The following SHISA6 variants were observed in gnomAD, a reference collection of about 807,000 sequenced individuals.
SHISA6 encodes protein shisa-6.
In SHISA6, 22 loss-of-function variants were observed where a neutral mutation model predicts 47.9. The ratio of observed to expected loss-of-function variants is 0.46; its 90% CI spans 0.33 to 0.66. The LOEUF (loss-of-function observed/expected upper bound fraction) is 0.66. Among genes scored for constraint, SHISA6 ranks in the 30% least tolerant of loss-of-function variants. The pLI, the probability that SHISA6 is intolerant of heterozygous loss-of-function variation, is 0.02. For missense variants in SHISA6, 680 were observed against 764.6 expected (o/e 0.89, Z 1.30); for synonymous variants, 388 against 337.8 (o/e 1.15, Z -1.63).
chr17:11,326,121 A>C (rs1910879732), intron 2 of SHISA6, among the ~76,000 whole-genome samples: 1 of 152,114 alleles, frequency 6.6e-6, no homozygotes, highest in Non-Finnish European at 1.5e-5. Flanking sequence ...AATACAAAAA[A>C]TTAGCCAGGC....
At chr17:11,267,550 A>T (rs1187261359) in intron 2 of SHISA6, among the ~76,000 whole-genome samples, 1 of 152,242 alleles carries the variant, frequency 6.6e-6, no homozygotes, top group African/African-American at 2.4e-5. Context: ...CATTGATATT[A>T]AAAAAGAAAC....
chr17:11,341,739 G>T (rs185453260), intron 2 of SHISA6, among the ~76,000 whole-genome samples: 5 of 151,932 alleles, frequency 3.3e-5, no homozygotes, highest in Non-Finnish European at 1.5e-5. Context: ...CTGGCTGCAG[G>T]GTGCTCTTGC....
At chr17:11,443,712 T>C (rs186698927) in intron 3 of SHISA6, among the ~76,000 whole-genome samples, 2 of 152,342 alleles carry the variant, frequency 1.3e-5, no homozygotes. Context: ...TATTTGCTTA[T>C]ATTACCTCTT....
intron 2 of SHISA6, among the ~76,000 whole-genome samples, chr17:11,351,607 A>G (rs1911895792): frequency 6.6e-6 from 1 of 152,276 alleles, no homozygotes; most frequent in East Asian, 1.9e-4. Context: ...ATCACATTTC[A>G]TTACAGTTGT....
chr17:11,521,210 T>C (rs1462047658), intron 3 of SHISA6, among the ~76,000 whole-genome samples: 6 of 152,216 alleles, frequency 3.9e-5, no homozygotes, highest in Non-Finnish European at 7.3e-5. Flanking sequence ...TATTAACCAG[T>C]GGATTATATT....
chr17:11,492,060 T>C (rs989279910), intron 3 of SHISA6, among the ~76,000 whole-genome samples: 5 of 152,100 alleles, frequency 3.3e-5, no homozygotes, highest in Admixed American at 1.3e-4. Context: ...TGAGCCACCA[T>C]GCCCAGCCGC....
At chr17:11,548,018 A>G (rs1281443743) in intron 3 of SHISA6, among the ~76,000 whole-genome samples, 2 of 152,238 alleles carry the variant, frequency 1.3e-5, no homozygotes, top group Non-Finnish European at 2.9e-5. Context: ...GGCAATATAC[A>G]TAACATTACA....
At chr17:11,314,791 C>T (rs957788285) in intron 2 of SHISA6, among the ~76,000 whole-genome samples, 2 of 152,074 alleles carry the variant, frequency 1.3e-5, no homozygotes, top group South Asian at 2.1e-4. Context: ...CCACCCGCCT[C>T]GGCCTCCCAA....
At chr17:11,257,043 G>C (rs189418314) in intron 1 of SHISA6, among the ~76,000 whole-genome samples, 10 of 152,304 alleles carry the variant, frequency 6.6e-5, no homozygotes, top group African/African-American at 2.4e-4. Flanking sequence ...ACTCAGACCT[G>C]CAGAACAGCT....
rs577850930 is a variant in SHISA6 at position 11,491,648 on chromosome 17, A to G, written c.896-60248A>G. 2.0e-5 allele frequency among the ~76,000 whole-genome samples: 3 copies of G among 152,210 alleles called. No homozygotes were observed. In the South Asian group the frequency reaches 6.2e-4, roughly 32 times the overall value. On this transcript the variant is annotated intron_variant, in intron 3 of 5. Coordinates refer to ENST00000441885, the MANE Select transcript of SHISA6 (RefSeq NM_207386.4). ...ATCCCTTTAGGTTGGACTATGGAGG[A>G]GTAATGGACAAAAGGCCTGGAAGAG...
intron 2 of SHISA6, among the ~76,000 whole-genome samples, chr17:11,322,844 G>T (rs1484946463): frequency 6.6e-6 from 1 of 152,158 alleles, no homozygotes; most frequent in Admixed American, 6.5e-5. Context: ...TTCTTTAAAG[G>T]CTACATTGGG....
At chr17:11,283,286 TGAA>T (rs1193487713) in intron 2 of SHISA6, among the ~76,000 whole-genome samples, 3 of 152,262 alleles carry the variant, frequency 2.0e-5, no homozygotes, top group Admixed American at 6.5e-5. Flanking sequence ...ATGAATCTAT[TGAA>T]GAAGAAGTAA....
chr17:11,304,409 G>T (rs538823684), intron 2 of SHISA6, among the ~76,000 whole-genome samples: 3 of 152,190 alleles, frequency 2.0e-5, no homozygotes, highest in African/African-American at 7.2e-5. Flanking sequence ...AAAAGATGAC[G>T]GCCCCTGCTT....
chr17:11,345,765 A>G (rs533437269), intron 2 of SHISA6, among the ~76,000 whole-genome samples: 6 of 152,090 alleles, frequency 3.9e-5, no homozygotes, highest in Admixed American at 1.3e-4. Context: ...CAGTTTGTTG[A>G]TTGCTATTAA....
intron 1 of SHISA6, among the ~76,000 whole-genome samples, chr17:11,257,932 G>T (rs1908078582): frequency 6.6e-6 from 1 of 152,082 alleles, no homozygotes. Context: ...ATATTACTTA[G>T]GTTTTCATCT....
chr17:11,345,343 A>C (rs1250794813), intron 2 of SHISA6, among the ~76,000 whole-genome samples: 1 of 152,082 alleles, frequency 6.6e-6, no homozygotes, highest in African/African-American at 2.4e-5. Flanking sequence ...CGATAATTCT[A>C]CTTTTAGATC....
chr17:11,365,876 T>C (rs868480652), intron 2 of SHISA6, among the ~76,000 whole-genome samples: 5 of 152,188 alleles, frequency 3.3e-5, no homozygotes, highest in South Asian at 2.1e-4. Context: ...CTACAATAGA[T>C]TGGGTGATTA....
At chr17:11,358,509 G>A (rs936128466) in intron 2 of SHISA6, among the ~76,000 whole-genome samples, 6 of 151,636 alleles carry the variant, frequency 4.0e-5, no homozygotes, top group African/African-American at 7.3e-5. Flanking sequence ...ACAGGCGCCC[G>A]CCACTATGCC....
At chr17:11,317,898 T>C (rs907635997) in intron 2 of SHISA6, among the ~76,000 whole-genome samples, 1 of 152,070 alleles carries the variant, frequency 6.6e-6, no homozygotes, top group African/African-American at 2.4e-5. Context: ...CAAATACAAA[T>C]ATATGGGGGT....
Sources: gnomAD v4.1 joint callset for allele counts (sites outside exome capture counted in the v4.1 genomes callset) on GRCh38, gnomAD v4.1.1 for gene constraint, MANE v1.5 for transcripts, NCBI Gene and HGNC (gene_info 2026-07-23, HGNC 2026-07-21) for gene names.